The following ADGRB3 variants were observed in gnomAD, a reference collection of about 807,000 sequenced individuals.
ADGRB3 encodes brain-specific angiogenesis inhibitor 3.
Under a neutral mutation model 193.4 loss-of-function variants are expected in ADGRB3, and 37 were observed. The observed-to-expected ratio is 0.19, with a 90% confidence interval of 0.15 to 0.25. The LOEUF is 0.25. Among genes scored for constraint, ADGRB3 ranks in the 10% least tolerant of loss-of-function variants. ADGRB3 has a pLI of 1.00. For missense variants in ADGRB3, 1,637 were observed against 1,852.9 expected (o/e 0.88, Z 2.14); for synonymous variants, 690 against 644.2 (o/e 1.07, Z -1.08).
chr6:69,185,099 A>G (rs1054911086), intron 17 of ADGRB3, among the ~76,000 whole-genome samples: 4 of 152,258 alleles, frequency 2.6e-5, no homozygotes, highest in East Asian at 1.9e-4. Context: ...TTAGCCTTCA[A>G]ATTGCCTCTC....
chr6:69,251,539 C>T (rs61053374), intron 20 of ADGRB3, among the ~76,000 whole-genome samples: 229 of 152,186 alleles, frequency 1.5e-3, no homozygotes, highest in African/African-American at 5.1e-3. Flanking sequence ...ATATCTAAGC[C>T]TCAGTTGTTT....
At chr6:68,775,075 G>C (rs1766711852) in intron 3 of ADGRB3, among the ~76,000 whole-genome samples, 1 of 134,640 alleles carries the variant, frequency 7.4e-6, no homozygotes, top group Non-Finnish European at 1.5e-5. Flanking sequence ...AAGATAAGAA[G>C]AACCTTTCTT....
chr6:69,029,665 A>G (rs1183409625), intron 13 of ADGRB3, among the ~76,000 whole-genome samples: 2 of 152,200 alleles, frequency 1.3e-5, no homozygotes, highest in African/African-American at 4.8e-5. Flanking sequence ...GGACTGAAGA[A>G]TGAAATGACT....
chr6:68,857,227 A>G (rs966367762), intron 3 of ADGRB3, among the ~76,000 whole-genome samples: 6 of 152,194 alleles, frequency 3.9e-5, no homozygotes, highest in Non-Finnish European at 5.9e-5. Flanking sequence ...TCCCTACTGT[A>G]GCACTGCCTA....
chr6:68,805,620 C>T (rs562591831), intron 3 of ADGRB3, among the ~76,000 whole-genome samples: 1 of 152,274 alleles, frequency 6.6e-6, no homozygotes, highest in African/African-American at 2.4e-5. Context: ...AGCTCTTGAA[C>T]TGTCAGAGAG....
rs575166096 is a variant in ADGRB3, at chr6:69,332,823, T to C, written c.3103-100T>C. 15 of 1,518,276 alleles carry C rather than the reference T, an allele frequency of 9.9e-6. No homozygotes were observed. In the East Asian group the frequency reaches 1.9e-4, roughly 19 times the overall value. The allele number at this position is 1,518,276 out of a possible 1,614,324, so 94.1% of individuals were successfully genotyped here. A position where few individuals can be genotyped will look rare whatever the true frequency, so the allele number is the denominator to read the frequency against. ...GAGTGCTTCATACCACTACTAGTGA[T>C]ACGGTGGTTATGAATTGATAAAAAT... On this transcript the variant is annotated intron_variant, in intron 23 of 31. Coordinates refer to ENST00000370598, the MANE Select transcript of ADGRB3 (RefSeq NM_001704.3).
At chr6:69,034,322 A>T (rs1770802072) in intron 13 of ADGRB3, among the ~76,000 whole-genome samples, 1 of 151,786 alleles carries the variant, frequency 6.6e-6, no homozygotes, top group Non-Finnish European at 1.5e-5. Flanking sequence ...GCCCCCAAAT[A>T]ACATCTATAG....
intron 17 of ADGRB3, among the ~76,000 whole-genome samples, chr6:69,082,910 C>T (rs980903641): frequency 6.6e-6 from 1 of 152,106 alleles, no homozygotes; most frequent in African/African-American, 2.4e-5. Context: ...AAAAACAATT[C>T]GTATTTGCCT....
chr6:68,673,263 G>A (rs1436743681), intron 3 of ADGRB3, among the ~76,000 whole-genome samples: 1 of 152,108 alleles, frequency 6.6e-6, no homozygotes, highest in Non-Finnish European at 1.5e-5. Flanking sequence ...AGAAGGAAGA[G>A]AGGGAAGTAA....
intron 3 of ADGRB3, among the ~76,000 whole-genome samples, chr6:68,650,986 A>C (rs1768352801): frequency 6.6e-6 from 1 of 152,180 alleles, no homozygotes; most frequent in Admixed American, 6.5e-5. Flanking sequence ...ACTACTTATA[A>C]AAATTGTAAT....
chr6:69,233,331 C>T lies in ADGRB3; in HGVS notation c.2522C>T (p.Thr841Ile), dbSNP rs757631514. Reference protein sequence around the residue: ...LGTWSTQGCKTVLTDASHTKC... With the variant: ...LGTWSTQGCKIVLTDASHTKC... ...ACGTGGTCCACCCAGGGATGTAAAA[C>T]TGTGCTTACCGATGCATCCCATACG... is the stretch of plus-strand genomic sequence containing the variant. The change falls in exon 18 of 32, where the codon ACT (threonine) becomes ATT (isoleucine). Residue 841 changes from threonine to isoleucine, a missense_variant. By Grantham distance (89) the Thr-to-Ile change is moderately conservative. This residue lies in a region of ADGRB3 where 641 missense variants were observed against 673.9 expected (regional missense o/e 0.95). Transcript: ENST00000370598. The T allele has an allele frequency of 6.2e-7, 1 of 1,614,080 alleles. No homozygotes were observed. The highest frequency in any genetic ancestry group is 8.5e-7 in the Non-Finnish European group (1 of 1,180,006).
intron 17 of ADGRB3, among the ~76,000 whole-genome samples, chr6:69,176,548 G>A (rs1775432744): frequency 2.0e-5 from 3 of 152,112 alleles, no homozygotes; most frequent in African/African-American, 7.2e-5. Context: ...AGTAATTTGA[G>A]AATTTTTGTG....
intron 3 of ADGRB3, among the ~76,000 whole-genome samples, chr6:68,750,040 T>C (rs1766165497): frequency 6.6e-6 from 1 of 152,110 alleles, no homozygotes; most frequent in Non-Finnish European, 1.5e-5. Context: ...CCTTGATAAT[T>C]GAAAAAAATA....
intron 8 of ADGRB3, among the ~76,000 whole-genome samples, chr6:68,971,812 C>G (rs564354614): frequency 6.6e-5 from 10 of 152,250 alleles, no homozygotes; most frequent in African/African-American, 2.4e-4. Context: ...TCCACCGCTT[C>G]CCCTTCATTG....
intron 3 of ADGRB3, among the ~76,000 whole-genome samples, chr6:68,855,043 A>G (rs1490798131): frequency 6.6e-6 from 1 of 152,162 alleles, no homozygotes; most frequent in Non-Finnish European, 1.5e-5. Context: ...GACAGCTTTT[A>G]TCAGGAAGGA....
chr6:68,753,227 A>G (rs964516788), intron 3 of ADGRB3, among the ~76,000 whole-genome samples: 2 of 152,226 alleles, frequency 1.3e-5, no homozygotes, highest in African/African-American at 4.8e-5. Context: ...CTTGCCAAGT[A>G]AGTGTCAAAT....
At chr6:69,355,952 A>C in intron 28 of ADGRB3, 92 bp downstream of exon 28, 1 of 1,115,470 alleles carries the variant, frequency 9.0e-7, no homozygotes, top group South Asian at 1.4e-5. Flanking sequence ...TGGTTTACAC[A>C]TTACATATTG....
chr6:68,713,340 C>T (rs73462002), intron 3 of ADGRB3, among the ~76,000 whole-genome samples: 103 of 151,862 alleles, frequency 6.8e-4, no homozygotes, highest in African/African-American at 2.0e-3. Context: ...CATATCTGGA[C>T]GATTCCAACT....
At chr6:68,816,149 C>T (rs1280540175) in intron 3 of ADGRB3, among the ~76,000 whole-genome samples, 1 of 151,754 alleles carries the variant, frequency 6.6e-6, no homozygotes, top group Non-Finnish European at 1.5e-5. Context: ...TTGTTAATTT[C>T]AAATTTAAAA....
Sources: allele counts gnomAD v4.1 joint callset (sites outside exome capture counted in the v4.1 genomes callset), GRCh38; gene constraint gnomAD v4.1.1; regional missense constraint gnomAD v4.1.1; transcripts MANE v1.5; gene names NCBI Gene and HGNC (gene_info 2026-07-23, HGNC 2026-07-21).